VEPH1: variants seen among roughly 807,000 people sequenced by gnomAD.
VEPH1 encodes ventricular zone expressed PH domain containing 1.
Under a neutral mutation model 85.2 loss-of-function variants are expected in VEPH1, and 80 were observed. That is an observed-to-expected ratio of 0.94 (90% CI 0.78 to 1.13). VEPH1 has a LOEUF of 1.13. Among genes scored for constraint, VEPH1 ranks in the 50% most tolerant of loss-of-function variants. VEPH1 has a pLI of 0.00. For synonymous variants in VEPH1, 297 were observed against 348.0 expected (o/e 0.85, Z 1.63); for missense variants, 955 against 980.5 (o/e 0.97, Z 0.35).
intron 9 of VEPH1, among the ~76,000 whole-genome samples, chr3:157,354,519 G>C (rs1439817435): frequency 6.6e-6 from 1 of 152,004 alleles, no homozygotes; most frequent in East Asian, 1.9e-4. Flanking sequence ...TGTATTTACT[G>C]TTCCGTCCTT....
chr3:157,407,768 A>G (rs748326774), intron 6 of VEPH1, among the ~76,000 whole-genome samples: 23 of 152,192 alleles, frequency 1.5e-4, no homozygotes, highest in Admixed American at 1.5e-3. Context: ...AGACTTGGAC[A>G]ATGCTGAGTA....
intron 9 of VEPH1, among the ~76,000 whole-genome samples, chr3:157,344,762 C>G (rs1272680204): frequency 6.6e-6 from 1 of 152,182 alleles, no homozygotes. Flanking sequence ...ATCACGCTAC[C>G]TGACTTCAAA....
At chr3:157,297,281 TA>T (rs1317673769) in intron 11 of VEPH1, among the ~76,000 whole-genome samples, 1 of 152,216 alleles carries the variant, frequency 6.6e-6, no homozygotes. Flanking sequence ...TTTAGTTTTC[TA>T]AAATCAGGTA....
At chr3:157,285,855 C>A (rs1716701324) in intron 12 of VEPH1, among the ~76,000 whole-genome samples, 1 of 152,130 alleles carries the variant, frequency 6.6e-6, no homozygotes, top group African/African-American at 2.4e-5. Context: ...TCTTTGTGAC[C>A]TTGGGCAGTT....
At chr3:157,371,361 AC>A (rs1368381289) in intron 7 of VEPH1, among the ~76,000 whole-genome samples, 1 of 152,240 alleles carries the variant, frequency 6.6e-6, no homozygotes, top group Admixed American at 6.5e-5. Context: ...CAAGGAAGGG[AC>A]ACTTCTAATT....
chr3:157,359,303 G>A (rs532340645), intron 9 of VEPH1, among the ~76,000 whole-genome samples: 15 of 152,208 alleles, frequency 9.9e-5, no homozygotes, highest in African/African-American at 3.4e-4. Context: ...CCAATGATTC[G>A]GATTTTTAAA....
In VEPH1 at chr3:157,455,912, G is replaced by C. The variant is rs780818374; in HGVS notation, c.529+4269C>G. ...TATGTGTGCATGTGTCTTTATGATGGAACAATTTATATTTCTTTGGGTATA... is the reference window on the plus strand; with the variant it reads ...TATGTGTGCATGTGTCTTTATGATGCAACAATTTATATTTCTTTGGGTATA... On this transcript the variant is annotated intron_variant, in intron 4 of 13. Transcript: ENST00000362010. Among the ~76,000 whole-genome samples the C allele has an allele frequency of 2.6e-5, 4 of 152,290 alleles. No individual in the cohort carries two copies. In the East Asian group the frequency reaches 5.8e-4, roughly 22 times the overall value.
At chr3:157,319,069 G>A (rs576067312) in intron 9 of VEPH1, among the ~76,000 whole-genome samples, 2 of 152,166 alleles carry the variant, frequency 1.3e-5, no homozygotes, top group Admixed American at 1.3e-4. Flanking sequence ...AAATCTTAGA[G>A]CGGCCAATGA....
chr3:157,429,604 A>C (rs1732994001), intron 4 of VEPH1, among the ~76,000 whole-genome samples: 1 of 152,246 alleles, frequency 6.6e-6, no homozygotes, highest in Non-Finnish European at 1.5e-5. Flanking sequence ...CATGTTCCCC[A>C]GAATACAAGT....
intron 2 of VEPH1, among the ~76,000 whole-genome samples, chr3:157,481,310 C>A (rs1300515669): frequency 6.6e-6 from 1 of 151,576 alleles, no homozygotes; most frequent in Non-Finnish European, 1.5e-5. Context: ...TTGGAAGAAT[C>A]AGAATTGTTA....
chr3:157,370,224 C>G (rs1417861207), intron 7 of VEPH1, among the ~76,000 whole-genome samples: 1 of 152,118 alleles, frequency 6.6e-6, no homozygotes, highest in Non-Finnish European at 1.5e-5. Context: ...ACAAATTGGC[C>G]CTTGGGCTGC....
At chr3:157,269,660 T>TTTTG (rs1714276223) in intron 12 of VEPH1, among the ~76,000 whole-genome samples, 1 of 143,748 alleles carries the variant, frequency 7.0e-6, no homozygotes, top group Non-Finnish European at 1.5e-5. Context: ...TTTTTTTTTT[T>TTTTG]GCTATTACAT....
chr3:157,470,275 A>G lies in VEPH1; in HGVS notation c.354+39T>C, dbSNP rs200908639. ...CATCACAGGTTCACCTAGGCTGCCA[A>G]CTCAGTATCAAATAGCCTGATGTTG... is the stretch of plus-strand genomic sequence containing the variant. On this transcript the variant is annotated intron_variant, in intron 3 of 13. Coordinates refer to ENST00000362010, the MANE Select transcript of VEPH1 (RefSeq NM_001167912.2). The G allele has an allele frequency of 2.1e-5, 34 of 1,596,816 alleles. 1 individual carries two copies. The highest frequency in any genetic ancestry group is 3.3e-4 in the Middle Eastern group (2 of 6,024).
intron 4 of VEPH1, among the ~76,000 whole-genome samples, chr3:157,440,922 T>C (rs1734070012): frequency 6.6e-6 from 1 of 152,170 alleles, no homozygotes; most frequent in Admixed American, 6.5e-5. Context: ...TCTTAAAGAT[T>C]TTCAATTACT....
rs1308424237 is a variant in VEPH1, at chr3:157,387,187, C to CT, written c.907-5812dup. ...AAAATTGCATTGGCCATTTTTTTCACTTTTTATTATTTTGTTTTTTTAATA... is the reference window on the plus strand; with the variant it reads ...AAAATTGCATTGGCCATTTTTTTCACTTTTTTATTATTTTGTTTTTTTAATA... On this transcript the variant is annotated intron_variant, in intron 6 of 13. Transcript: ENST00000362010. Among the ~76,000 whole-genome samples, 3 of 151,998 alleles carry CT rather than the reference C, an allele frequency of 2.0e-5. No homozygotes were observed. The East Asian group carries it at 5.8e-4, about 29-fold the overall frequency.
chr3:157,492,396 A>T (rs927259223), intron 2 of VEPH1, among the ~76,000 whole-genome samples: 2 of 152,140 alleles, frequency 1.3e-5, no homozygotes, highest in African/African-American at 4.8e-5. Flanking sequence ...CATGATTTGG[A>T]TAGCATTTCT....
At chr3:157,329,680 A>G (rs962968853) in intron 9 of VEPH1, among the ~76,000 whole-genome samples, 2 of 151,980 alleles carry the variant, frequency 1.3e-5, no homozygotes, top group Non-Finnish European at 2.9e-5. Context: ...ACTGCTGCTC[A>G]GATGAAAAGT....
At chr3:157,385,206 C>T (rs1413786769) in intron 6 of VEPH1, among the ~76,000 whole-genome samples, 1 of 138,000 alleles carries the variant, frequency 7.2e-6, no homozygotes, top group Non-Finnish European at 1.5e-5. Flanking sequence ...GCTATACTGC[C>T]AGCTCCTCCC....
At chr3:157,389,628 CAGATAGATAGATAGATAGATAGATAGAT>C (rs3086054) in intron 6 of VEPH1, among the ~76,000 whole-genome samples, 27 of 144,158 alleles carry the variant, frequency 1.9e-4, no homozygotes, top group South Asian at 9.5e-4. Context: ...GATAGGTAAG[CAGATAGATAGATAGATAGATAGATAGAT>C]AGATAGATAG....
Sources: allele counts gnomAD v4.1 joint callset (sites outside exome capture counted in the v4.1 genomes callset), GRCh38; gene constraint gnomAD v4.1.1; transcripts MANE v1.5; gene names NCBI Gene and HGNC (gene_info 2026-07-23, HGNC 2026-07-21).